Variants in ADGRB1 observed in about 807,000 individuals in gnomAD.
The protein encoded by ADGRB1 is adhesion G protein-coupled receptor B1.
ADGRB1 carries 36 observed loss-of-function variants against 175.7 expected under a neutral mutation model. The observed-to-expected ratio is 0.20, with a 90% CI of 0.16 to 0.27. The LOEUF (loss-of-function observed/expected upper bound fraction) is 0.27, where lower values mean the gene tolerates loss of function less well. Among genes scored for constraint, ADGRB1 ranks in the 10% least tolerant of loss-of-function variants. The probability of loss-of-function intolerance (pLI) is 1.00; values close to 1 mark genes in which losing one functional copy is unlikely to be tolerated. For synonymous variants in ADGRB1, 1,054 were observed against 979.4 expected (o/e 1.08, Z -1.42); for missense variants, 1,731 against 2,255.3 (o/e 0.77, Z 4.71).
rs1264708138 is a variant in ADGRB1, at chr8:142,511,425, C to T, written c.2817+352C>T. ...TCCTGAGCCGGGGGCTGGGAGGCGT[C>T]GCCTGTGGAGGGGCTACCCTTTCCC... On this transcript the variant is annotated intron_variant, in intron 18 of 30. Coordinates refer to ENST00000517894, the MANE Select transcript of ADGRB1 (RefSeq NM_001702.3). The surrounding 1 kb of genome is among the most constrained non-coding windows in gnomAD (Gnocchi z 4.5). 6.6e-6 allele frequency among the ~76,000 whole-genome samples: 1 copy of T among 152,092 alleles called. No homozygotes were observed. The highest frequency in any genetic ancestry group is 2.4e-5 in the African/African-American group (1 of 41,432).
At position 142,526,525 on chromosome 8, in the gene ADGRB1, C is replaced by CCCAAA; in HGVS notation, c.3313-17_3313-16insCCAAA. ...GCGGCCCCCACCCCCACACCCCCAC[C>CCCAAA]ACTCTCTGCCCGGCAGGTGAACATG... On this transcript the variant is annotated splice_polypyrimidine_tract_variant and intron_variant, in intron 23 of 30. Transcript: ENST00000517894. 1 of 1,560,316 alleles carries CCCAAA rather than the reference C, an allele frequency of 6.4e-7. No individual in the cohort carries two copies. The highest frequency in any genetic ancestry group is 8.7e-7 in the Non-Finnish European group (1 of 1,147,554).
Position 142,464,642 on chromosome 8 carries a change from G to C in ADGRB1, c.444G>C (p.Gln148His). Residue 148 changes from glutamine to histidine, a missense_variant, in exon 2 of 31, where the codon CAG (glutamine) becomes CAC (histidine). Coordinates refer to ENST00000517894, the MANE Select transcript of ADGRB1 (RefSeq NM_001702.3). ...ASKQFLQMRR[Q>H]QPPQHDGLRP... The stretch of plus-strand genomic sequence containing the variant: ...AGCAGTTCCTGCAGATGCGGCGCCA[G>C]CAGCCGCCCCAGCACGACGGGCTCC... The C allele has an allele frequency of 6.6e-7, 1 of 1,519,996 alleles. No homozygotes were observed. The highest frequency in any genetic ancestry group is 8.8e-7 in the Non-Finnish European group (1 of 1,138,960). 94.2% of individuals were successfully genotyped at this position (1,519,996 alleles called of 1,614,324 possible).
chr8:142,460,794 G>A (rs1302910978), intron 1 of ADGRB1, among the ~76,000 whole-genome samples: 3 of 152,276 alleles, frequency 2.0e-5, no homozygotes, highest in African/African-American at 7.2e-5. Context: ...GCTGGTCCTG[G>A]GGCCTCCCCC....
At chr8:142,528,173 C>A (rs989935108) in intron 24 of ADGRB1, among the ~76,000 whole-genome samples, 1 of 152,268 alleles carries the variant, frequency 6.6e-6, no homozygotes, top group Non-Finnish European at 1.5e-5. Flanking sequence ...GCCACGAGGA[C>A]CTGCACGAGG....
chr8:142,518,096 T>G (rs1563732964), intron 18 of ADGRB1, 42 bp from the exon 19 acceptor site: 1 of 1,591,166 alleles, frequency 6.3e-7, no homozygotes, highest in Non-Finnish European at 8.6e-7. Flanking sequence ...AGTGGGCGAG[T>G]GGGGTGCCTC....
intron 27 of ADGRB1, 71 bp from the exon 28 acceptor site, chr8:142,541,870 C>G (rs1038731381): frequency 7.0e-7 from 1 of 1,434,458 alleles, no homozygotes; most frequent in Non-Finnish European, 9.3e-7. Flanking sequence ...GGCCCCTCTC[C>G]TGCTGGGGAC....
chr8:142,542,184 C>T lies in ADGRB1; in HGVS notation c.3950C>T (p.Ser1317Phe), dbSNP rs1444125619. The change falls in exon 28 of 31, where the codon TCC (serine) becomes TTC (phenylalanine). Residue 1317 changes from serine to phenylalanine, a missense_variant. By Grantham distance (155) the Ser-to-Phe change is radical. This residue lies in a region of ADGRB1 where 394 missense variants were observed against 410.2 expected (regional missense o/e 0.96). Transcript: ENST00000517894. The surrounding 1 kb of genome is among the most constrained non-coding windows in gnomAD (Gnocchi z 6.3). ...LTLKRDKAPK[S>F]SFVGDGDIFK... ...CTCAAGAGGGACAAGGCGCCCAAGTCCTCCTTCGTCGGTGACGGGGACATC... is the reference window on the plus strand; with the variant it reads ...CTCAAGAGGGACAAGGCGCCCAAGTTCTCCTTCGTCGGTGACGGGGACATC... The T allele has an allele frequency of 1.9e-6, 3 of 1,613,736 alleles. No individual in the cohort carries two copies. Among genetic ancestry groups the T allele is most frequent in the South Asian group, 1.1e-5 (1 of 91,092 alleles).
intron 27 of ADGRB1, among the ~76,000 whole-genome samples, chr8:142,540,718 G>A (rs1161947124): frequency 6.6e-6 from 1 of 152,124 alleles, no homozygotes; most frequent in Non-Finnish European, 1.5e-5. Context: ...GTGCGGGGTG[G>A]GGCGGCCTTG....
At chr8:142,491,217 G>C (rs1163160851) in intron 17 of ADGRB1, among the ~76,000 whole-genome samples, 2 of 152,260 alleles carry the variant, frequency 1.3e-5, no homozygotes, top group Admixed American at 1.3e-4. Flanking sequence ...GCAGCATGGA[G>C]TGGAACTGGA....
chr8:142,457,538 C>T (rs144787143), intron 1 of ADGRB1, among the ~76,000 whole-genome samples: 7 of 152,042 alleles, frequency 4.6e-5, no homozygotes, highest in Non-Finnish European at 8.8e-5. Flanking sequence ...CTTGGGGGCG[C>T]ACCCCCAGGG....
At chr8:142,459,766 C>T (rs535546159) in intron 1 of ADGRB1, among the ~76,000 whole-genome samples, 2 of 152,320 alleles carry the variant, frequency 1.3e-5, no homozygotes, top group East Asian at 3.9e-4. Flanking sequence ...ACATCTGCTT[C>T]TCCCCTTCCA....
rs960744164 is a variant in ADGRB1, at chr8:142,510,241, G to C, written c.2676-691G>C. ...ATGAAAAGCGGGGCAGTCGCGGCCCGTAGACAGCGGGCGGCTGGGTCAGAC... is the reference window on the plus strand; with the variant it reads ...ATGAAAAGCGGGGCAGTCGCGGCCCCTAGACAGCGGGCGGCTGGGTCAGAC... On this transcript the variant is annotated intron_variant, in intron 17 of 30. Transcript: ENST00000517894. The surrounding 1 kb of genome is among the most constrained non-coding windows in gnomAD (Gnocchi z 6.3). 6.6e-6 allele frequency among the ~76,000 whole-genome samples: 1 copy of C among 152,122 alleles called. No homozygotes were observed. Among genetic ancestry groups the C allele is most frequent in the Non-Finnish European group, 1.5e-5 (1 of 67,988 alleles).
chr8:142,488,654 C>G, intron 14 of ADGRB1, 147 bp downstream of exon 14: 1 of 1,133,026 alleles, frequency 8.8e-7, no homozygotes, highest in South Asian at 1.6e-5. Context: ...CCTCCTTGCC[C>G]TCTCTGGGGC....
Position 142,520,923 on chromosome 8 carries a change from A to G in ADGRB1, c.3022A>G (p.Lys1008Glu). The change falls in exon 20 of 31, where the codon AAG (lysine) becomes GAG (glutamate). Residue 1008 changes from lysine to glutamate, a missense_variant and splice_region_variant. Physicochemically the swap from Lys to Glu is moderately conservative, Grantham distance 56. Around this residue, in one of 8 missense-constraint regions of ADGRB1, gnomAD observed 301 missense variants for 488.4 expected, o/e 0.62. Coordinates refer to ENST00000517894, the MANE Select transcript of ADGRB1 (RefSeq NM_001702.3). Reference protein sequence around the residue: ...ILIGQTQTRNKVVCTLVAAFL... With the variant: ...ILIGQTQTRNEVVCTLVAAFL... ...CATCGGGCAGACCCAGACCCGCAACAAGGTAGGCAGCCTTGCGTCCTGCCA... is the reference window on the plus strand; with the variant it reads ...CATCGGGCAGACCCAGACCCGCAACGAGGTAGGCAGCCTTGCGTCCTGCCA... 2 of 1,612,124 alleles carry G rather than the reference A, an allele frequency of 1.2e-6. No individual in the cohort carries two copies. The highest frequency in any genetic ancestry group is 1.7e-6 in the Non-Finnish European group (2 of 1,178,402).
At chr8:142,487,335 C>T (rs7386916) in intron 13 of ADGRB1, among the ~76,000 whole-genome samples, 46,278 of 151,922 alleles carry the variant, frequency 0.3, 9,262 homozygotes, top group African/African-American at 0.57. Context: ...AGGCCACCTG[C>T]CCTTTGACAT....
chr8:142,543,253 G>C lies in ADGRB1; in HGVS notation c.4414-150G>C. ...GCATAGCTGGAGGAGCTGCCTCAGTGCGCCCCCAGGCATGTCCCCTGGGTC... is the reference window on the plus strand; with the variant it reads ...GCATAGCTGGAGGAGCTGCCTCAGTCCGCCCCCAGGCATGTCCCCTGGGTC... On this transcript the variant is annotated intron_variant, in intron 28 of 30. Coordinates refer to ENST00000517894, the MANE Select transcript of ADGRB1 (RefSeq NM_001702.3). This position sits in a 1 kb window ranked among gnomAD's most constrained non-coding sequence, Gnocchi z 4.4. The C allele has an allele frequency of 9.7e-7, 1 of 1,035,098 alleles. No homozygotes were observed. The highest frequency in any genetic ancestry group is 1.4e-6 in the Non-Finnish European group (1 of 700,652). The allele number at this position is 1,035,098 out of a possible 1,614,324, so 64.1% of individuals were successfully genotyped here. A position where few individuals can be genotyped will look rare whatever the true frequency, so the allele number is the denominator to read the frequency against.
intron 17 of ADGRB1, 122 bp downstream of exon 17, chr8:142,490,937 C>A: frequency 7.8e-7 from 1 of 1,280,916 alleles, no homozygotes; most frequent in Non-Finnish European, 1.1e-6. Flanking sequence ...GTCTGTGTAC[C>A]CGCATGGGCC....
chr8:142,490,546 G>T (rs567747854), intron 16 of ADGRB1, among the ~76,000 whole-genome samples: 9 of 152,370 alleles, frequency 5.9e-5, no homozygotes, highest in African/African-American at 2.2e-4. Flanking sequence ...GCCAGGAGCT[G>T]CCCGAGGCCA....
At chr8:142,487,799 G>A (rs1473918646) in intron 13 of ADGRB1, among the ~76,000 whole-genome samples, 2 of 152,186 alleles carry the variant, frequency 1.3e-5, no homozygotes, top group East Asian at 3.9e-4. Flanking sequence ...CACCCCCAAT[G>A]CCTTCCTTCC....
Sources: gnomAD v4.1 joint callset for allele counts (sites outside exome capture counted in the v4.1 genomes callset) on GRCh38, gnomAD v4.1.1 for gene constraint, gnomAD v4.1.1 regional missense constraint, Gnocchi (gnomAD v3.1) non-coding constraint, MANE v1.5 for transcripts, NCBI Gene and HGNC (gene_info 2026-07-23, HGNC 2026-07-21) for gene names.